Variants in ITPR2 observed in about 807,000 individuals in gnomAD.
The protein encoded by ITPR2 is inositol 1,4,5-trisphosphate-gated calcium channel ITPR2.
ITPR2 carries 207 observed loss-of-function variants against 317.1 expected under a neutral mutation model. The observed-to-expected ratio is 0.65, with a 90% CI of 0.58 to 0.73. The LOEUF (loss-of-function observed/expected upper bound fraction) is 0.73. Ranked by LOEUF, ITPR2 falls within the 30% of genes least tolerant of loss-of-function variation. ITPR2 has a pLI of 0.00. For missense variants in ITPR2, 2,613 were observed against 3,284.0 expected (o/e 0.80, Z 4.99); for synonymous variants, 1,156 against 1,149.1 (o/e 1.01, Z -0.12).
At chr12:26,666,791 T>C (rs149406087) in intron 13 of ITPR2, among the ~76,000 whole-genome samples, 1 of 152,226 alleles carries the variant, frequency 6.6e-6, no homozygotes, top group Non-Finnish European at 1.5e-5. Flanking sequence ...TTCAGTGGCA[T>C]GTAGTACAGG....
At chr12:26,351,048 G>C (rs1200961572) in intron 55 of ITPR2, among the ~76,000 whole-genome samples, 1 of 152,162 alleles carries the variant, frequency 6.6e-6, no homozygotes, top group Non-Finnish European at 1.5e-5. Context: ...AAGCTACAAG[G>C]CCTCTTATCA....
chr12:26,723,256 A>G (rs1408862225), intron 4 of ITPR2, among the ~76,000 whole-genome samples: 1 of 152,172 alleles, frequency 6.6e-6, no homozygotes, highest in Non-Finnish European at 1.5e-5. Flanking sequence ...AATATAAGTA[A>G]GAAATTATCT....
At chr12:26,579,019 AT>A (rs999738246) in intron 33 of ITPR2, among the ~76,000 whole-genome samples, 186 bp from the exon 34 acceptor site, 7 of 152,356 alleles carry the variant, frequency 4.6e-5, no homozygotes, top group African/African-American at 1.7e-4. Context: ...GAGAGGCAAG[AT>A]GCTACACACT....
intron 48 of ITPR2, among the ~76,000 whole-genome samples, chr12:26,428,368 T>C (rs1288555957): frequency 2.6e-5 from 4 of 152,202 alleles, no homozygotes; most frequent in African/African-American, 9.6e-5. Flanking sequence ...TTCTGTCATA[T>C]GAGGGTGATT....
rs1289404697 is a variant in ITPR2 at position 26,557,116 on chromosome 12, A to T, written c.4822-741T>A. On this transcript the variant is annotated intron_variant, in intron 35 of 56. Coordinates refer to ENST00000381340, the MANE Select transcript of ITPR2 (RefSeq NM_002223.4). Reference sequence around the variant, plus strand: ...AAAAAATTCCCATGTGTCATTGGTCATTCAGAATGAATCATTTCATCCAAT... The same window carrying T: ...AAAAAATTCCCATGTGTCATTGGTCTTTCAGAATGAATCATTTCATCCAAT... Among the ~76,000 whole-genome samples the T allele has an allele frequency of 5.3e-5, 8 of 152,182 alleles. 1 individual carries two copies. Among genetic ancestry groups the T allele is most frequent in the Admixed American group, 2.0e-4 (3 of 15,266 alleles).
intron 2 of ITPR2, among the ~76,000 whole-genome samples, chr12:26,772,423 T>TTA (rs3064577): frequency 0.2 from 18,991 of 93,532 alleles, 2,390 homozygotes; most frequent in Non-Finnish European, 0.35. Context: ...TTTATATATA[T>TTA]TATATATAAT....
chr12:26,795,492 G>A (rs1490215565), intron 1 of ITPR2, among the ~76,000 whole-genome samples: 1 of 151,994 alleles, frequency 6.6e-6, no homozygotes, highest in Admixed American at 6.6e-5. Flanking sequence ...GTAAAAGACC[G>A]ATAAGTTTGT....
chr12:26,567,990 ATATATATTATATATATTATAT>A (rs1565609701), intron 34 of ITPR2, among the ~76,000 whole-genome samples: 438 of 7,310 alleles, frequency 0.06, 27 homozygotes, highest in Middle Eastern at 0.25. Flanking sequence ...ATATATATAT[ATATATATTATATATATTATAT>A]ATATATATAT....
chr12:26,653,858 G>T, intron 21 of ITPR2, 118 bp downstream of exon 21: 1 of 731,104 alleles, frequency 1.4e-6, no homozygotes, highest in Non-Finnish European at 2.3e-6. Context: ...TAGGAATTGT[G>T]TTCATATGCA....
chr12:26,716,823 A>G (rs1028231539), intron 5 of ITPR2, among the ~76,000 whole-genome samples: 2 of 152,200 alleles, frequency 1.3e-5, no homozygotes, highest in African/African-American at 4.8e-5. Flanking sequence ...CGATTCACTC[A>G]TATCTTAAAT....
chr12:26,467,554 A>G (rs970522657), intron 45 of ITPR2, among the ~76,000 whole-genome samples: 1 of 152,186 alleles, frequency 6.6e-6, no homozygotes, highest in Non-Finnish European at 1.5e-5. Context: ...CTTTGAATTC[A>G]GTGGATAGTA....
chr12:26,668,823 A>G (rs1320360410), intron 13 of ITPR2, among the ~76,000 whole-genome samples: 1 of 152,070 alleles, frequency 6.6e-6, no homozygotes, highest in Non-Finnish European at 1.5e-5. Context: ...AAAAAATCTG[A>G]GAGATAAAAA....
intron 26 of ITPR2, among the ~76,000 whole-genome samples, chr12:26,607,916 T>TA (rs1295337831): frequency 1.3e-5 from 2 of 151,744 alleles, no homozygotes; most frequent in Non-Finnish European, 2.9e-5. Context: ...CTGTCTCTAC[T>TA]AAAAAAATAC....
intron 2 of ITPR2, among the ~76,000 whole-genome samples, chr12:26,772,450 T>TTA (rs3064579): frequency 1.4e-5 from 1 of 74,040 alleles, no homozygotes; most frequent in African/African-American, 4.3e-5. Context: ...ATTATATATA[T>TTA]TATATATATA....
chr12:26,352,201 T>A lies in ITPR2; in HGVS notation c.7858-11873A>T, dbSNP rs577496235. Among the ~76,000 whole-genome samples the A allele has an allele frequency of 2.0e-4, 31 of 152,326 alleles. 1 individual carries two copies. Among genetic ancestry groups the A allele is most frequent in the African/African-American group, 7.2e-4 (30 of 41,586 alleles). On this transcript the variant is annotated intron_variant, in intron 55 of 56. Coordinates refer to ENST00000381340, the MANE Select transcript of ITPR2 (RefSeq NM_002223.4). ...AGTCATATGACCAAAGGGCGACCCA[T>A]CAGATGCTCTTGCCTGAGATTTTCA...
chr12:26,357,455 C>A (rs542271474), intron 55 of ITPR2, among the ~76,000 whole-genome samples: 1 of 152,150 alleles, frequency 6.6e-6, no homozygotes, highest in Non-Finnish European at 1.5e-5. Flanking sequence ...AGACCTCACC[C>A]CTTGTGTCAC....
At chr12:26,510,206 C>A (rs1591841614) in intron 37 of ITPR2, among the ~76,000 whole-genome samples, 1 of 152,074 alleles carries the variant, frequency 6.6e-6, no homozygotes, top group African/African-American at 2.4e-5. Flanking sequence ...TTTAATTAAT[C>A]TAGCCACTGC....
chr12:26,416,096 AG>A (rs1940712456), intron 50 of ITPR2, among the ~76,000 whole-genome samples: 1 of 152,190 alleles, frequency 6.6e-6, no homozygotes, highest in East Asian at 1.9e-4. Flanking sequence ...GGGTATAATG[AG>A]GAAAAAAACC....
intron 45 of ITPR2, among the ~76,000 whole-genome samples, chr12:26,456,897 C>A (rs994507000): frequency 6.6e-6 from 1 of 152,192 alleles, no homozygotes; most frequent in African/African-American, 2.4e-5. Flanking sequence ...TGGTCTCAAA[C>A]TCCTGACATC....
Sources: gnomAD v4.1 joint callset for allele counts (sites outside exome capture counted in the v4.1 genomes callset) on GRCh38, gnomAD v4.1.1 for gene constraint, MANE v1.5 for transcripts, NCBI Gene and HGNC (gene_info 2026-07-23, HGNC 2026-07-21) for gene names.